The following TNIK variants were observed in gnomAD, a reference collection of about 807,000 sequenced individuals.
TNIK encodes the protein TRAF2 and NCK-interacting protein kinase.
A neutral mutation model predicts 191.3 loss-of-function variants in TNIK; 49 were observed. The observed-to-expected ratio is 0.26, with a 90% CI of 0.20 to 0.32. The LOEUF (loss-of-function observed/expected upper bound fraction) is 0.32, where lower values mean the gene tolerates loss of function less well. Among genes scored for constraint, TNIK ranks in the 10% least tolerant of loss-of-function variants. The pLI is 1.00. For synonymous variants in TNIK, 594 were observed against 600.9 expected, an observed-to-expected ratio of 0.99 and a Z score of 0.17; for missense variants, 1,155 against 1,702.3, an observed-to-expected ratio of 0.68 and a Z score of 5.66.
intron 28 of TNIK, among the ~76,000 whole-genome samples, chr3:171,077,576 A>G (rs1238973363): frequency 6.6e-6 from 1 of 152,130 alleles, no homozygotes. Flanking sequence ...GGACTGAAGC[A>G]TCAGCGTTTC....
At position 171,078,018 on chromosome 3, in the gene TNIK, G is replaced by A. The variant is rs181107100; in HGVS notation, c.3448+1500C>T. Among the ~76,000 whole-genome samples, 18 of 152,226 alleles carry A rather than the reference G, an allele frequency of 1.2e-4. No homozygotes were observed. In the East Asian group the frequency reaches 1.4e-3, roughly 11 times the overall value. On this transcript the variant is annotated intron_variant, in intron 28 of 32. Transcript: ENST00000436636. ...TAAGCTTCTATATTGCTGCTGAGAC[G>A]TCCCAGGCCACACTTATTCTGGGTC...
In TNIK at chr3:171,087,455, C is replaced by T. The variant is rs1170980911; in HGVS notation, c.2773G>A (p.Gly925Ser). 2 of 1,613,904 alleles carry T rather than the reference C, an allele frequency of 1.2e-6. No homozygotes were observed. Among genetic ancestry groups the T allele is most frequent in the Non-Finnish European group, 1.7e-6 (2 of 1,179,872 alleles). ...ACCAGGTCAGGGAGGTTGATGTGGCCAGCAAAGCCATTGCTGTCACTGTGG... is the reference window on the plus strand; with the variant it reads ...ACCAGGTCAGGGAGGTTGATGTGGCTAGCAAAGCCATTGCTGTCACTGTGG... The part of the protein sequence containing the change: ...SGHSDSNGFA[G>S]HINLPDLVQQ... Residue 925 changes from glycine (G) to serine (S), a missense_variant, in exon 24 of 33, where the codon GGC (glycine) becomes AGC (serine). Gly to Ser is a moderately conservative substitution (Grantham distance 56). Around this residue, in one of 3 missense-constraint regions of TNIK, gnomAD observed 735 missense variants for 848.0 expected, o/e 0.87. Transcript: ENST00000436636.
chr3:171,327,738 T>C (rs1247752237), intron 2 of TNIK, among the ~76,000 whole-genome samples: 2 of 151,848 alleles, frequency 1.3e-5, no homozygotes, highest in Non-Finnish European at 2.9e-5. Context: ...TACCGCAGCA[T>C]AGCCTAGCCT....
chr3:171,269,314 G>T (rs758642708), intron 2 of TNIK, among the ~76,000 whole-genome samples: 7 of 152,180 alleles, frequency 4.6e-5, no homozygotes, highest in Non-Finnish European at 1.0e-4. Context: ...ACACACAGTT[G>T]AAACATTTCC....
chr3:171,405,212 C>T (rs1721503752), intron 1 of TNIK, among the ~76,000 whole-genome samples: 1 of 152,136 alleles, frequency 6.6e-6, no homozygotes, highest in Non-Finnish European at 1.5e-5. Flanking sequence ...TCGGGGAAAA[C>T]TCCCAGTAGA....
At chr3:171,295,507 A>G (rs13069386) in intron 2 of TNIK, among the ~76,000 whole-genome samples, 68,379 of 151,940 alleles carry the variant, frequency 0.45, 16,107 homozygotes, top group Non-Finnish European at 0.51. Context: ...CCTGTCCCCC[A>G]ACTGCCCTTT....
chr3:171,299,003 G>T (rs1049275266), intron 2 of TNIK, among the ~76,000 whole-genome samples: 1 of 152,164 alleles, frequency 6.6e-6, no homozygotes, highest in Non-Finnish European at 1.5e-5. Flanking sequence ...GCCACAGTCT[G>T]ACCGAAGTCT....
chr3:171,445,414 G>A (rs1727373596), intron 1 of TNIK, among the ~76,000 whole-genome samples: 1 of 145,470 alleles, frequency 6.9e-6, no homozygotes, highest in Non-Finnish European at 1.5e-5. Context: ...GTGAGACCCT[G>A]TCTCCAAAAA....
chr3:171,445,419 C>CA (rs75214809), intron 1 of TNIK, among the ~76,000 whole-genome samples: 4,814 of 86,922 alleles, frequency 0.055, 259 homozygotes, highest in African/African-American at 0.17. Flanking sequence ...ACCCTGTCTC[C>CA]AAAAAAAAAA....
At chr3:171,200,286 G>T (rs1237940335) in intron 4 of TNIK, among the ~76,000 whole-genome samples, 1 of 152,172 alleles carries the variant, frequency 6.6e-6, no homozygotes, top group Non-Finnish European at 1.5e-5. Context: ...AAGGTGGTTG[G>T]GGGCAGGATG....
At chr3:171,214,350 C>A (rs2108926401) in intron 3 of TNIK, among the ~76,000 whole-genome samples, 1 of 152,132 alleles carries the variant, frequency 6.6e-6, no homozygotes, top group Admixed American at 6.6e-5. Flanking sequence ...TAGAATTAAA[C>A]TAAAAAGTTA....
chr3:171,223,982 T>C (rs1410350141), intron 3 of TNIK, among the ~76,000 whole-genome samples: 1 of 152,138 alleles, frequency 6.6e-6, no homozygotes, highest in Non-Finnish European at 1.5e-5. Context: ...TGCGGTAGGT[T>C]CCAGAGCCAG....
intron 2 of TNIK, among the ~76,000 whole-genome samples, chr3:171,363,318 A>G (rs1715250416): frequency 6.6e-6 from 1 of 152,200 alleles, no homozygotes; most frequent in African/African-American, 2.4e-5. Context: ...AATAACTGAG[A>G]CAATATACAT....
At chr3:171,379,124 A>G (rs1717662148) in intron 1 of TNIK, among the ~76,000 whole-genome samples, 1 of 152,212 alleles carries the variant, frequency 6.6e-6, no homozygotes, top group African/African-American at 2.4e-5. Flanking sequence ...TTGACAGTCC[A>G]TTTAGTAGGT....
At chr3:171,132,015 G>A (rs773090477) in intron 15 of TNIK, among the ~76,000 whole-genome samples, 28 of 152,196 alleles carry the variant, frequency 1.8e-4, no homozygotes, top group Non-Finnish European at 1.6e-4. Flanking sequence ...AGATACATGT[G>A]ATTAAAAACT....
intron 15 of TNIK, among the ~76,000 whole-genome samples, chr3:171,134,482 G>C (rs1401777502): frequency 6.6e-6 from 1 of 152,032 alleles, no homozygotes; most frequent in African/African-American, 2.4e-5. Flanking sequence ...CGGTTTCACT[G>C]TGTTGCCCAG....
chr3:171,171,863 T>C (rs1735331330), intron 9 of TNIK, among the ~76,000 whole-genome samples: 1 of 152,314 alleles, frequency 6.6e-6, no homozygotes. Context: ...GGTGCTGATA[T>C]GGAGGTAGAG....
intron 1 of TNIK, among the ~76,000 whole-genome samples, chr3:171,380,348 C>T (rs1717866766): frequency 6.6e-6 from 1 of 152,108 alleles, no homozygotes; most frequent in Admixed American, 6.6e-5. Context: ...AAAAAGATAG[C>T]AACTGCAGGA....
rs963980011 is a variant in TNIK, at chr3:171,157,361, C to G, written c.1221+99G>C. 2.4e-5 allele frequency: 34 copies of G among 1,423,946 alleles called. No homozygotes were observed. The East Asian group carries it at 6.2e-4, about 26-fold the overall frequency. 88.2% of individuals were successfully genotyped at this position (1,423,946 alleles called of 1,614,324 possible). ...GTCAACCCCTTTGTGCCTCTAAGCT[C>G]TGTGTGCTCACAGGTGGGATGTGGG... is the stretch of plus-strand genomic sequence containing the variant. On this transcript the variant is annotated intron_variant, in intron 12 of 32. Coordinates refer to ENST00000436636, the MANE Select transcript of TNIK (RefSeq NM_015028.4).
Sources: gnomAD v4.1 joint callset for allele counts (sites outside exome capture counted in the v4.1 genomes callset) on GRCh38, gnomAD v4.1.1 for gene constraint, gnomAD v4.1.1 regional missense constraint, MANE v1.5 for transcripts, NCBI Gene and HGNC (gene_info 2026-07-23, HGNC 2026-07-21) for gene names.